MLLT10: variants seen among roughly 807,000 people sequenced by gnomAD.
The protein encoded by MLLT10 is protein AF-10.
A neutral mutation model predicts 129.1 loss-of-function variants in MLLT10; 30 were observed. The observed-to-expected ratio is 0.23, with a 90% CI of 0.17 to 0.32. The LOEUF (loss-of-function observed/expected upper bound fraction) is 0.32, where lower values mean the gene tolerates loss of function less well. Ranked by LOEUF, MLLT10 falls within the 10% of genes least tolerant of loss-of-function variation. The pLI is 1.00. For synonymous variants in MLLT10, 490 were observed against 446.4 expected, an observed-to-expected ratio of 1.10 and a Z score of -1.23; for missense variants, 1,119 against 1,268.3, an observed-to-expected ratio of 0.88 and a Z score of 1.79.
intron 11 of MLLT10, among the ~76,000 whole-genome samples, chr10:21,677,005 G>A (rs2131391238): frequency 6.6e-6 from 1 of 152,270 alleles, no homozygotes; most frequent in African/African-American, 2.4e-5. Context: ...GCCACACACT[G>A]TGTTAAGCAG....
chr10:21,683,674 G>T (rs777787073), intron 13 of MLLT10, among the ~76,000 whole-genome samples: 2 of 151,998 alleles, frequency 1.3e-5, no homozygotes, highest in Admixed American at 6.6e-5. Flanking sequence ...GGAAAAATTT[G>T]TACAGTATTT....
At chr10:21,629,044 G>A (rs536205535) in intron 8 of MLLT10, among the ~76,000 whole-genome samples, 6 of 151,862 alleles carry the variant, frequency 4.0e-5, no homozygotes, top group East Asian at 1.9e-4. Context: ...ACACCCAGCC[G>A]CTGGAGGATA....
chr10:21,549,287 C>A (rs756690062), intron 3 of MLLT10, among the ~76,000 whole-genome samples: 2 of 152,008 alleles, frequency 1.3e-5, no homozygotes, highest in Admixed American at 6.6e-5. Flanking sequence ...CCACTCCTGG[C>A]GAATTTTTTG....
chr10:21,604,542 CTG>C (rs540698363), intron 5 of MLLT10, among the ~76,000 whole-genome samples: 3 of 152,158 alleles, frequency 2.0e-5, no homozygotes, highest in South Asian at 4.1e-4. Flanking sequence ...TGAGCCGAGA[CTG>C]TGCCATTGCA....
intron 3 of MLLT10, chr10:21,551,864 A>T: frequency 2.7e-6 from 1 of 373,528 alleles, no homozygotes. Flanking sequence ...GTGTGATCTC[A>T]GCCCACTGCA....
At chr10:21,614,351 G>A (rs2045010684) in intron 6 of MLLT10, among the ~76,000 whole-genome samples, 1 of 151,804 alleles carries the variant, frequency 6.6e-6, no homozygotes, top group Non-Finnish European at 1.5e-5. Flanking sequence ...AGCACTTAGA[G>A]TTGCAAATTT....
At chr10:21,630,634 G>T (rs2046908918) in intron 8 of MLLT10, among the ~76,000 whole-genome samples, 2 of 152,352 alleles carry the variant, frequency 1.3e-5, no homozygotes, top group Middle Eastern at 6.8e-3. Context: ...AGGTCACCCT[G>T]TCAGAATGGG....
chr10:21,642,385 G>T (rs950715166), intron 8 of MLLT10, among the ~76,000 whole-genome samples: 1 of 141,384 alleles, frequency 7.1e-6, no homozygotes, highest in Non-Finnish European at 1.5e-5. Flanking sequence ...AGCCGGGCGC[G>T]GTGGCTCATG....
intron 5 of MLLT10, among the ~76,000 whole-genome samples, chr10:21,604,898 TTTTG>T (rs1001463684): frequency 6.6e-6 from 1 of 151,978 alleles, no homozygotes; most frequent in African/African-American, 2.4e-5. Flanking sequence ...AGTTCCTATT[TTTTG>T]TTTTTTTTAT....
chr10:21,608,135 T>C (rs1175712054), intron 5 of MLLT10, among the ~76,000 whole-genome samples: 1 of 151,752 alleles, frequency 6.6e-6, no homozygotes, highest in Admixed American at 6.6e-5. Context: ...GCAGGTCATT[T>C]TTCTTGTTCT....
At position 21,681,991 on chromosome 10, in the gene MLLT10, AATATACCTTAAC is replaced by A. The variant is rs757409933; in HGVS notation, c.1667-229_1667-218del. Among the ~76,000 whole-genome samples the A allele has an allele frequency of 3.3e-5, 5 of 152,240 alleles. 1 individual carries two copies. The highest frequency in any genetic ancestry group is 4.8e-5 in the African/African-American group (2 of 41,466). On this transcript the variant is annotated intron_variant, in intron 12 of 22. Coordinates refer to ENST00000307729, the MANE Select transcript of MLLT10 (RefSeq NM_001195626.3). Reference sequence around the variant, plus strand: ...CTAAGGAAATTATTGTCGTTATGACAATATACCTTAACATATCTCAATTTAGTTGGTAATATG... The same window carrying A: ...CTAAGGAAATTATTGTCGTTATGACAATATCTCAATTTAGTTGGTAATATG...
At chr10:21,561,413 A>C (rs1218979446) in intron 3 of MLLT10, among the ~76,000 whole-genome samples, 3 of 152,036 alleles carry the variant, frequency 2.0e-5, no homozygotes, top group South Asian at 2.1e-4. Flanking sequence ...GGCACATGCC[A>C]CCACACCCGG....
intron 3 of MLLT10, among the ~76,000 whole-genome samples, chr10:21,554,735 C>T (rs1349304077): frequency 6.6e-6 from 1 of 151,718 alleles, no homozygotes; most frequent in Non-Finnish European, 1.5e-5. Context: ...GCTGGGACTA[C>T]AGGCTCTGAG....
At chr10:21,713,594 G>A (rs941437233) in intron 13 of MLLT10, among the ~76,000 whole-genome samples, 178 bp from the exon 14 acceptor site, 2 of 152,116 alleles carry the variant, frequency 1.3e-5, no homozygotes, top group African/African-American at 4.8e-5. Flanking sequence ...TTAGACAACT[G>A]CTTCATGAGA....
At chr10:21,686,695 C>T (rs944034062) in intron 13 of MLLT10, among the ~76,000 whole-genome samples, 19 of 152,032 alleles carry the variant, frequency 1.2e-4, no homozygotes, top group African/African-American at 4.1e-4. Context: ...TATAATATTT[C>T]CTTGGGGCCG....
At chr10:21,606,886 G>A (rs989232280) in intron 5 of MLLT10, among the ~76,000 whole-genome samples, 2 of 152,226 alleles carry the variant, frequency 1.3e-5, no homozygotes, top group African/African-American at 4.8e-5. Context: ...AAGTTTTACT[G>A]TAGGTAAAAT....
intron 3 of MLLT10, among the ~76,000 whole-genome samples, chr10:21,570,183 A>T (rs2040047747): frequency 6.6e-6 from 1 of 152,118 alleles, no homozygotes; most frequent in Non-Finnish European, 1.5e-5. Context: ...TGCTGGGATT[A>T]CAGGCGTGAG....
upstream of MLLT10, chr10:21,534,087 C>G (rs1179668987): frequency 8.6e-6 from 2 of 232,632 alleles, no homozygotes; most frequent in Non-Finnish European, 1.7e-5. Context: ...CGCCCACCCC[C>G]AGCACACCTC....
chr10:21,708,298 G>C (rs964239057), intron 13 of MLLT10, among the ~76,000 whole-genome samples: 2 of 152,102 alleles, frequency 1.3e-5, no homozygotes, highest in African/African-American at 4.8e-5. Context: ...TATTTTCCTA[G>C]AGCTCATGCA....
Sources: gnomAD v4.1 joint callset for allele counts (sites outside exome capture counted in the v4.1 genomes callset) on GRCh38, gnomAD v4.1.1 for gene constraint, MANE v1.5 for transcripts, NCBI Gene and HGNC (gene_info 2026-07-23, HGNC 2026-07-21) for gene names.